The following SCUBE1 variants were observed in gnomAD, a reference collection of about 807,000 sequenced individuals.
SCUBE1 encodes signal peptide, CUB and EGF-like domain-containing protein 1.
In SCUBE1, 59 loss-of-function variants were observed where a neutral mutation model predicts 124.4. The observed-to-expected ratio is 0.47, with a 90% CI of 0.38 to 0.59. The LOEUF (loss-of-function observed/expected upper bound fraction) is 0.59, where lower values mean the gene tolerates loss of function less well. Ranked by LOEUF, SCUBE1 falls within the 20% of genes least tolerant of loss-of-function variation. The pLI is 0.00. For missense variants in SCUBE1, 1,150 were observed against 1,371.2 expected (o/e 0.84, Z 2.55); for synonymous variants, 545 against 550.9 (o/e 0.99, Z 0.15).
At chr22:43,269,865 G>A (rs1239848147) in intron 4 of SCUBE1, among the ~76,000 whole-genome samples, 6 of 152,168 alleles carry the variant, frequency 3.9e-5, no homozygotes, top group Non-Finnish European at 7.3e-5. Flanking sequence ...GGGGGAAGGC[G>A]CAGAACAGCT....
chr22:43,277,182 G>A (rs553135234), intron 4 of SCUBE1, among the ~76,000 whole-genome samples: 21 of 152,126 alleles, frequency 1.4e-4, no homozygotes, highest in Non-Finnish European at 1.9e-4. Context: ...CAGGATGAGC[G>A]GGAGTTCCAG....
chr22:43,304,245 T>C (rs924927096), intron 3 of SCUBE1, among the ~76,000 whole-genome samples: 6 of 152,252 alleles, frequency 3.9e-5, no homozygotes, highest in African/African-American at 9.6e-5. Context: ...GTCTTTTCTA[T>C]TGGCCACATC....
At position 43,255,171 on chromosome 22, in the gene SCUBE1, C is replaced by T. The variant is rs1017524870; in HGVS notation, c.727+3048G>A. Among the ~76,000 whole-genome samples, 5 of 152,236 alleles carry T rather than the reference C, an allele frequency of 3.3e-5. No individual in the cohort carries two copies. The highest frequency in any genetic ancestry group is 7.3e-5 in the Non-Finnish European group (5 of 68,040). On this transcript the variant is annotated intron_variant, in intron 6 of 21. Coordinates refer to ENST00000360835, the MANE Select transcript of SCUBE1 (RefSeq NM_173050.5). This position sits in a 1 kb window ranked among gnomAD's most constrained non-coding sequence, Gnocchi z 4.7. ...ACACACGTCTCCTTACACGCACAGG[C>T]CAGTGGATACTAGCCCTGGGTTCTT...
At chr22:43,299,391 C>T (rs942420296) in intron 3 of SCUBE1, among the ~76,000 whole-genome samples, 4 of 152,206 alleles carry the variant, frequency 2.6e-5, no homozygotes, top group African/African-American at 9.6e-5. Context: ...CACTCAGACC[C>T]GCCTCAGCCT....
intron 10 of SCUBE1, among the ~76,000 whole-genome samples, chr22:43,225,206 C>T (rs1479850916): frequency 6.6e-6 from 1 of 152,070 alleles, no homozygotes; most frequent in East Asian, 1.9e-4. Flanking sequence ...CACTCCTGCC[C>T]CTCCATCTCC....
intron 4 of SCUBE1, among the ~76,000 whole-genome samples, chr22:43,277,355 G>A (rs1055496409): frequency 3.9e-5 from 6 of 152,166 alleles, no homozygotes; most frequent in Non-Finnish European, 5.9e-5. Context: ...CAGAGCAGTG[G>A]TTCTGGCTGC....
chr22:43,268,710 AG>A (rs1287989987), intron 4 of SCUBE1, among the ~76,000 whole-genome samples: 1 of 152,250 alleles, frequency 6.6e-6, no homozygotes, highest in Non-Finnish European at 1.5e-5. Flanking sequence ...CTAAATGTGC[AG>A]CCCCAGTCTC....
intron 6 of SCUBE1, among the ~76,000 whole-genome samples, chr22:43,250,382 G>A (rs1040807355): frequency 1.3e-5 from 2 of 152,352 alleles, no homozygotes; most frequent in South Asian, 2.1e-4. Flanking sequence ...AGTACGGAGG[G>A]ACAGGGAAGG....
Position 43,214,084 on chromosome 22 carries a change from A to G in SCUBE1, c.2053+6T>C, listed in dbSNP as rs9623781. On this transcript the variant is annotated splice_donor_region_variant and intron_variant, in intron 16 of 21. Coordinates refer to ENST00000360835, the MANE Select transcript of SCUBE1 (RefSeq NM_173050.5). ...CCCCCACCTCTCCTTCTAGGCCCGCACTTGCCTCCACATTCCGACACGTTG... is the reference window on the plus strand; with the variant it reads ...CCCCCACCTCTCCTTCTAGGCCCGCGCTTGCCTCCACATTCCGACACGTTG... The G allele has an allele frequency of 0.021, 21,705 of 1,034,584 alleles. 194 individuals carry two copies. Among genetic ancestry groups the G allele is most frequent in the East Asian group, 0.04 (778 of 19,344 alleles). The allele number at this position is 1,034,584 out of a possible 1,614,324, so 64.1% of individuals were successfully genotyped here. A position where few individuals can be genotyped will look rare whatever the true frequency, so the allele number is the denominator to read the frequency against.
At chr22:43,342,576 G>C (rs961721715) in intron 1 of SCUBE1, among the ~76,000 whole-genome samples, 2 of 148,770 alleles carry the variant, frequency 1.3e-5, no homozygotes, top group African/African-American at 5.0e-5. Flanking sequence ...CCTTATCATC[G>C]GTGGGACCAT....
chr22:43,330,015 G>A (rs190743428), intron 2 of SCUBE1, among the ~76,000 whole-genome samples: 315 of 152,050 alleles, frequency 2.1e-3, no homozygotes, highest in African/African-American at 7.3e-3. Context: ...TGGAGGGTGG[G>A]AGGTGGGGGC....
chr22:43,312,431 C>G (rs537686540), intron 3 of SCUBE1, among the ~76,000 whole-genome samples: 1 of 151,958 alleles, frequency 6.6e-6, no homozygotes, highest in Non-Finnish European at 1.5e-5. Context: ...TAGGACTCTG[C>G]GGGTACAGGG....
intron 3 of SCUBE1, among the ~76,000 whole-genome samples, chr22:43,310,363 T>A (rs1328668820): frequency 6.6e-6 from 1 of 152,132 alleles, no homozygotes; most frequent in African/African-American, 2.4e-5. Flanking sequence ...GGCTAGACTG[T>A]CAAACTGCCA....
At chr22:43,224,094 C>T (rs575404547) in intron 10 of SCUBE1, among the ~76,000 whole-genome samples, 17 of 152,240 alleles carry the variant, frequency 1.1e-4, no homozygotes, top group Non-Finnish European at 2.5e-4. Flanking sequence ...AGATACTGAG[C>T]GGTGGCTGAT....
intron 3 of SCUBE1, among the ~76,000 whole-genome samples, chr22:43,305,053 C>T (rs983107843): frequency 6.6e-6 from 1 of 152,148 alleles, no homozygotes; most frequent in Admixed American, 6.5e-5. Context: ...CAATAATCAC[C>T]CCCACTGCCC....
intron 2 of SCUBE1, among the ~76,000 whole-genome samples, chr22:43,328,271 G>A (rs891982788): frequency 5.2e-5 from 7 of 134,802 alleles, no homozygotes; most frequent in Admixed American, 2.2e-4. Flanking sequence ...AGCCGTTGGC[G>A]CGTGTGAGAT....
intron 2 of SCUBE1, among the ~76,000 whole-genome samples, chr22:43,337,711 T>A (rs114049404): frequency 0.026 from 3,914 of 152,270 alleles, 172 homozygotes; most frequent in African/African-American, 0.088. Context: ...CTTAAATAAA[T>A]GCTCAACAAA....
At position 43,255,494 on chromosome 22, in the gene SCUBE1, G is replaced by A. The variant is rs1286170774; in HGVS notation, c.727+2725C>T. The stretch of plus-strand genomic sequence containing the variant: ...AGTGGAAGAAAAGTGTTACCCATGA[G>A]TAGCCGCCGTTTCACCCGCTTGTCC... On this transcript the variant is annotated intron_variant, in intron 6 of 21. Transcript: ENST00000360835. The surrounding 1 kb of genome is among the most constrained non-coding windows in gnomAD (Gnocchi z 4.7). The A allele has an allele frequency of 1.3e-6, 2 of 1,550,444 alleles. No individual in the cohort carries two copies. The highest frequency in any genetic ancestry group is 3.9e-5 in the Admixed American group (2 of 51,008).
Position 43,203,750 on chromosome 22 carries a change from G to GGC in SCUBE1, c.*245_*246dup, listed in dbSNP as rs1241365657. 2.0e-6 allele frequency: 1 copy of GGC among 495,820 alleles called. No individual in the cohort carries two copies. Among genetic ancestry groups the GGC allele is most frequent in the Non-Finnish European group, 3.6e-6 (1 of 275,600 alleles). 30.7% of individuals were successfully genotyped at this position (495,820 alleles called of 1,614,324 possible). ...GTCGGTCTGCCAGGGCTCAGGAGAG[G>GGC]GCGCTCTTGGTGTCCTGGGGAAGGG... On this transcript the variant is annotated 3_prime_UTR_variant, in exon 22 of 22. Transcript: ENST00000360835.
Sources: allele counts gnomAD v4.1 joint callset (sites outside exome capture counted in the v4.1 genomes callset), GRCh38; gene constraint gnomAD v4.1.1; non-coding constraint Gnocchi (gnomAD v3.1); transcripts MANE v1.5; gene names NCBI Gene and HGNC (gene_info 2026-07-23, HGNC 2026-07-21).